GSE1: variants seen among roughly 807,000 people sequenced by gnomAD.
GSE1 encodes genetic suppressor element 1.
Under a neutral mutation model 112.6 loss-of-function variants are expected in GSE1, and 32 were observed. The ratio of observed to expected loss-of-function variants is 0.28; its 90% CI spans 0.21 to 0.38. The LOEUF is 0.38. GSE1 is among the 10% of genes least tolerant of loss of function. The probability of loss-of-function intolerance (pLI) is 1.00; values close to 1 mark genes in which losing one functional copy is unlikely to be tolerated. For missense variants in GSE1, 2,348 were observed against 1,699.2 expected, an observed-to-expected ratio of 1.38 and a Z score of -6.71; for synonymous variants, 1,115 against 735.6, an observed-to-expected ratio of 1.52 and a Z score of -8.35.
At chr16:85,325,446 TA>T (rs5818527) in intron 1 of GSE1, among the ~76,000 whole-genome samples, 29 of 148,990 alleles carry the variant, frequency 1.9e-4, no homozygotes, top group African/African-American at 3.2e-4. Context: ...TATTTTTCAG[TA>T]AAAAAAAAAA....
At chr16:85,410,283 C>T (rs377446831) in intron 2 of GSE1, among the ~76,000 whole-genome samples, 5 of 39,416 alleles carry the variant, frequency 1.3e-4, no homozygotes, top group African/African-American at 1.8e-4. Context: ...TAATCCTCAC[C>T]GTTGCACTCA....
In GSE1 at chr16:85,668,419, T is replaced by A; in HGVS notation, c.3410T>A (p.Ile1137Lys). The change falls in exon 14 of 16, where the codon ATA becomes AAA. Residue 1137 changes from isoleucine to lysine, a missense_variant. Transcript: ENST00000253458. ...EAVFEAYQEH[I>K]EEQNLERQVL... Reference sequence around the variant, plus strand: ...GTTTTTGAAGCTTACCAGGAACACATAGAAGGTAAGGGGGTGCTGGGGAAG... The same window carrying A: ...GTTTTTGAAGCTTACCAGGAACACAAAGAAGGTAAGGGGGTGCTGGGGAAG... 6.4e-7 allele frequency: 1 copy of A among 1,563,794 alleles called. No homozygotes were observed. The highest frequency in any genetic ancestry group is 8.7e-7 in the Non-Finnish European group (1 of 1,142,938).
At chr16:85,570,018 T>C (rs2045917089) in intron 1 of GSE1, among the ~76,000 whole-genome samples, 1 of 152,160 alleles carries the variant, frequency 6.6e-6, no homozygotes, top group South Asian at 2.1e-4. Context: ...CTTCCGGGAT[T>C]AGAGCCAAGA....
chr16:85,633,868 G>T (rs780477042), intron 1 of GSE1, 46 bp from the exon 2 acceptor site: 2 of 1,484,764 alleles, frequency 1.3e-6, no homozygotes, highest in Non-Finnish European at 9.3e-7. Flanking sequence ...GGTGCTGGGC[G>T]CTCCTGCTCT....
intron 4 of GSE1, 52 bp downstream of exon 4, chr16:85,654,502 C>T: frequency 6.8e-7 from 1 of 1,474,158 alleles, no homozygotes; most frequent in Non-Finnish European, 9.2e-7. Context: ...GGACACAGTG[C>T]TCAGGGTCTG....
chr16:85,470,271 G>A (rs548966208), intron 2 of GSE1, among the ~76,000 whole-genome samples: 1 of 152,326 alleles, frequency 6.6e-6, no homozygotes, highest in East Asian at 1.9e-4. Context: ...GCCAGCCAGC[G>A]GGGGTCTTCC....
chr16:85,454,877 G>C (rs1053734247), intron 2 of GSE1, among the ~76,000 whole-genome samples: 11 of 152,148 alleles, frequency 7.2e-5, no homozygotes, highest in Non-Finnish European at 1.6e-4. Context: ...CTCATCTCAG[G>C]AGCCTTAAGT....
At chr16:85,643,478 C>T (rs544723007) in intron 2 of GSE1, among the ~76,000 whole-genome samples, 8 of 152,330 alleles carry the variant, frequency 5.3e-5, no homozygotes, top group Middle Eastern at 3.4e-3. Context: ...TTCACCCACC[C>T]CTCTTACTTC....
At chr16:85,247,765 C>T (rs989623671) in intron 1 of GSE1, among the ~76,000 whole-genome samples, 11 of 152,010 alleles carry the variant, frequency 7.2e-5, no homozygotes, top group African/African-American at 2.4e-4. Context: ...GGAGGGAACG[C>T]GGGGAGGGAG....
intron 1 of GSE1, among the ~76,000 whole-genome samples, chr16:85,235,246 C>T (rs1904473188): frequency 6.6e-6 from 1 of 152,026 alleles, no homozygotes; most frequent in African/African-American, 2.4e-5. Context: ...AGCTCCCAAC[C>T]CCCCGGCCGC....
chr16:85,200,786 G>A lies in GSE1; in HGVS notation c.2283+28979G>A, dbSNP rs531735323. ...TCAGCTATTTTTACGTGTACAGTTC[G>A]GTGGCATTAAATGCGTTCACAGTGC... On this transcript the variant is annotated intron_variant, in intron 1 of 2. Coordinates refer to the GSE1 transcript ENST00000637419. Among the ~76,000 whole-genome samples the A allele has an allele frequency of 8.5e-5, 13 of 152,204 alleles. 1 individual carries two copies. Among genetic ancestry groups the A allele is most frequent in the Non-Finnish European group, 1.6e-4 (11 of 68,014 alleles).
At chr16:85,482,507 C>CCA (rs1555519341) in intron 2 of GSE1, among the ~76,000 whole-genome samples, 2 of 151,998 alleles carry the variant, frequency 1.3e-5, no homozygotes, top group African/African-American at 4.8e-5. Flanking sequence ...AGTTCCCCCC[C>CCA]CAAATAAAAT....
chr16:85,505,062 A>C (rs2151920134), intron 2 of GSE1, among the ~76,000 whole-genome samples: 1 of 152,088 alleles, frequency 6.6e-6, no homozygotes, highest in South Asian at 2.1e-4. Context: ...CCCATCCCTC[A>C]CTTAGGCCAA....
At chr16:85,338,268 A>G (rs2046548022) in intron 1 of GSE1, among the ~76,000 whole-genome samples, 1 of 151,954 alleles carries the variant, frequency 6.6e-6, no homozygotes, top group African/African-American at 2.4e-5. Context: ...TCTTGCCTTC[A>G]CCTCTGGGTG....
At chr16:85,627,501 T>TG (rs1026223484) in intron 1 of GSE1, among the ~76,000 whole-genome samples, 13 of 142,770 alleles carry the variant, frequency 9.1e-5, no homozygotes, top group African/African-American at 3.4e-4. Context: ...TTCCTGGGGG[T>TG]GGGGGTCAAG....
intron 1 of GSE1, among the ~76,000 whole-genome samples, chr16:85,316,138 CCT>C (rs1417919126): frequency 1.3e-5 from 2 of 152,370 alleles, no homozygotes; most frequent in Admixed American, 6.5e-5. Flanking sequence ...CCACGAGCTC[CCT>C]GAGTAACTCG....
At position 85,573,791 on chromosome 16, in the gene GSE1, C is replaced by T. The variant is rs372670835; in HGVS notation, c.37+17428C>T. 1.4e-4 allele frequency among the ~76,000 whole-genome samples: 22 copies of T among 152,344 alleles called. 1 individual carries two copies. The highest frequency in any genetic ancestry group is 1.4e-3 in the Admixed American group (22 of 15,308). ...CTCCTCCTCCGGCCACCAGTTGCCTCAGATTGGAGTTATTGTGAGTGAGTG... is the reference window on the plus strand; with the variant it reads ...CTCCTCCTCCGGCCACCAGTTGCCTTAGATTGGAGTTATTGTGAGTGAGTG... On this transcript the variant is annotated intron_variant, in intron 1 of 2. Coordinates refer to the GSE1 transcript ENST00000635906.
chr16:85,653,392 C>T (rs1011513079), intron 3 of GSE1, among the ~76,000 whole-genome samples: 2 of 144,300 alleles, frequency 1.4e-5, no homozygotes, highest in Non-Finnish European at 3.0e-5. Flanking sequence ...CGGGCTGGAC[C>T]CTGCGTGTGT....
intron 2 of GSE1, among the ~76,000 whole-genome samples, chr16:85,418,725 A>C (rs1397371217): frequency 6.6e-6 from 1 of 152,106 alleles, no homozygotes; most frequent in Non-Finnish European, 1.5e-5. Flanking sequence ...TATATGAGGA[A>C]TAGAAAAAGG....
Sources: allele counts gnomAD v4.1 joint callset (sites outside exome capture counted in the v4.1 genomes callset), GRCh38; gene constraint gnomAD v4.1.1; transcripts MANE v1.5; gene names NCBI Gene and HGNC (gene_info 2026-07-23, HGNC 2026-07-21).